ZBTB43: variants seen among roughly 807,000 people sequenced by gnomAD.
ZBTB43 encodes the protein zinc finger and BTB domain containing 43, also known as zinc finger and BTB domain-containing protein 43.
A neutral mutation model predicts 31.1 loss-of-function variants in ZBTB43; 6 were observed. The observed-to-expected ratio is 0.19, with a 90% CI of 0.11 to 0.38. The LOEUF (loss-of-function observed/expected upper bound fraction) is 0.38. Ranked by LOEUF, ZBTB43 falls within the 10% of genes least tolerant of loss-of-function variation. ZBTB43 has a pLI of 1.00. For synonymous variants in ZBTB43, 212 were observed against 221.7 expected, an observed-to-expected ratio of 0.96 and a Z score of 0.39; for missense variants, 379 against 602.1, an observed-to-expected ratio of 0.63 and a Z score of 3.88.
chr9:126,823,087 G>C (rs1439603235), intron 2 of ZBTB43, among the ~76,000 whole-genome samples: 2 of 152,134 alleles, frequency 1.3e-5, no homozygotes, highest in Non-Finnish European at 2.9e-5. Flanking sequence ...CAATATCTCT[G>C]AGGTATGCCT....
At chr9:126,804,863 AC>A (rs2032085330), upstream of ZBTB43, 1 of 152,434 alleles carries the variant, frequency 6.6e-6, no homozygotes. Context: ...CCTAAAATTG[AC>A]CCGCTCCAGA....
chr9:126,820,967 CAA>C (rs36023653), intron 2 of ZBTB43, among the ~76,000 whole-genome samples: 11 of 83,454 alleles, frequency 1.3e-4, no homozygotes, highest in African/African-American at 3.9e-4. Flanking sequence ...ACCCCCATCT[CAA>C]AAAAAAAAAA....
chr9:126,814,328 GTAAATTTTACATCTGTAAAAA>G (rs2032323616), intron 2 of ZBTB43, among the ~76,000 whole-genome samples: 8 of 5,070 alleles, frequency 1.6e-3, no homozygotes, highest in African/African-American at 3.3e-3. Flanking sequence ...TCTGTAAAAT[GTAAATTTTACATCTGTAAAAA>G]TTTTACAGAT....
At chr9:126,832,316 T>C (rs1366967199) in intron 2 of ZBTB43, 171 bp from the exon 3 acceptor site, 1 of 641,492 alleles carries the variant, frequency 1.6e-6, no homozygotes, top group East Asian at 2.8e-5. Flanking sequence ...GTCCTGCCTT[T>C]GGCAAACACG....
chr9:126,810,749 C>T (rs903106309), intron 2 of ZBTB43, among the ~76,000 whole-genome samples: 28 of 151,036 alleles, frequency 1.9e-4, no homozygotes, highest in African/African-American at 5.3e-4. Flanking sequence ...GTGATCCGCC[C>T]GCCTCGGCCT....
At chr9:126,812,544 G>T (rs1442350223) in intron 2 of ZBTB43, among the ~76,000 whole-genome samples, 1 of 152,152 alleles carries the variant, frequency 6.6e-6, no homozygotes, top group Non-Finnish European at 1.5e-5. Context: ...AATGTATGGA[G>T]GTTATAATAC....
At chr9:126,825,311 AT>A (rs112284574) in intron 2 of ZBTB43, among the ~76,000 whole-genome samples, 16,812 of 149,582 alleles carry the variant, frequency 0.11, 2,885 homozygotes, top group African/African-American at 0.37. Context: ...GAGTTTGTTG[AT>A]TTTTTTTTTC....
chr9:126,829,286 AG>A (rs1374939923), intron 2 of ZBTB43, among the ~76,000 whole-genome samples: 1 of 152,234 alleles, frequency 6.6e-6, no homozygotes, highest in African/African-American at 2.4e-5. Flanking sequence ...TTAACCCAGC[AG>A]TTCCACTGGT....
At chr9:126,822,488 G>C (rs1460086833) in intron 2 of ZBTB43, among the ~76,000 whole-genome samples, 2 of 152,104 alleles carry the variant, frequency 1.3e-5, no homozygotes, top group African/African-American at 2.4e-5. Context: ...CATGCTTATA[G>C]TTCCAGCACT....
At chr9:126,818,894 C>G (rs1030224677) in intron 2 of ZBTB43, among the ~76,000 whole-genome samples, 3 of 152,190 alleles carry the variant, frequency 2.0e-5, no homozygotes, top group African/African-American at 7.2e-5. Flanking sequence ...AGGAAGTGGT[C>G]CCTCCCCTTC....
intron 2 of ZBTB43, among the ~76,000 whole-genome samples, chr9:126,812,863 G>T (rs748330644): frequency 2.0e-5 from 3 of 152,046 alleles, no homozygotes; most frequent in Non-Finnish European, 4.4e-5. Flanking sequence ...TCTGTGGGTT[G>T]TGTGTTCACT....
At chr9:126,822,610 G>C (rs201984481) in intron 2 of ZBTB43, among the ~76,000 whole-genome samples, 1 of 152,030 alleles carries the variant, frequency 6.6e-6, no homozygotes, top group Non-Finnish European at 1.5e-5. Flanking sequence ...ACATGGTGAT[G>C]CATGCCTGTA....
intron 2 of ZBTB43, among the ~76,000 whole-genome samples, chr9:126,818,304 T>C (rs1190734511): frequency 1.3e-5 from 2 of 150,282 alleles, no homozygotes; most frequent in African/African-American, 4.9e-5. Context: ...AAAATATATA[T>C]ATATATATAT....
chr9:126,815,498 C>CTT (rs982546146), intron 2 of ZBTB43, among the ~76,000 whole-genome samples: 1 of 149,266 alleles, frequency 6.7e-6, no homozygotes, highest in Non-Finnish European at 1.5e-5. Flanking sequence ...TTTTATTTGC[C>CTT]TTTTTTTTTC....
At chr9:126,807,421 T>A (rs972207635) in intron 1 of ZBTB43, among the ~76,000 whole-genome samples, 5 of 152,188 alleles carry the variant, frequency 3.3e-5, no homozygotes, top group African/African-American at 1.2e-4. Flanking sequence ...AGTGTGTCCA[T>A]ATTTTTTCTA....
In ZBTB43 at chr9:126,833,418, T is replaced by C; in HGVS notation, c.909T>C (p.Asp303=). Residue 303 remains aspartate, a synonymous_variant, in exon 3 of 3, where the codon GAT becomes GAC. Coordinates refer to ENST00000373464, the MANE Select transcript of ZBTB43 (RefSeq NM_014007.4). The surrounding 1 kb of genome is among the most constrained non-coding windows in gnomAD (Gnocchi z 7.9). ...AGAAGAAAGTGGAAGCTGAGTTTGATGAACAGGCTGATGAAAGCAATTATG... is the reference window on the plus strand; with the variant it reads ...AGAAGAAAGTGGAAGCTGAGTTTGACGAACAGGCTGATGAAAGCAATTATG... ...IGEKKVEAEF[D]EQADESNYDE... is the part of the protein sequence containing the mutation. The C allele has an allele frequency of 1.9e-6, 3 of 1,614,108 alleles. No individual in the cohort carries two copies. Among genetic ancestry groups the C allele is most frequent in the South Asian group, 2.2e-5 (2 of 91,066 alleles).
At chr9:126,820,967 C>CA (rs36023653) in intron 2 of ZBTB43, among the ~76,000 whole-genome samples, 53,769 of 83,456 alleles carry the variant, frequency 0.64, 17,884 homozygotes, top group Non-Finnish European at 0.75. Flanking sequence ...ACCCCCATCT[C>CA]AAAAAAAAAA....
At chr9:126,809,683 T>C (rs145759468) in intron 2 of ZBTB43, among the ~76,000 whole-genome samples, 1 of 152,194 alleles carries the variant, frequency 6.6e-6, no homozygotes, top group Non-Finnish European at 1.5e-5. Flanking sequence ...TAGTTCAGGA[T>C]TTCTTCAGTA....
Position 126,833,293 on chromosome 9 carries a change from G to A in ZBTB43, c.784G>A (p.Ala262Thr). 6.8e-6 allele frequency: 11 copies of A among 1,613,284 alleles called. No individual in the cohort carries two copies. The highest frequency in any genetic ancestry group is 1.1e-5 in the South Asian group (1 of 90,936). Residue 262 changes from alanine to threonine, a missense_variant, in exon 3 of 3, where the codon GCG becomes ACG. Around this residue, in one of 5 missense-constraint regions of ZBTB43, gnomAD observed 253 missense variants for 322.3 expected, o/e 0.79. Transcript: ENST00000373464. This position sits in a 1 kb window ranked among gnomAD's most constrained non-coding sequence, Gnocchi z 7.9. ...EQACEGMDVHATYDEHQVTES... is the reference protein window; with the variant it reads ...EQACEGMDVHTTYDEHQVTES... Reference sequence around the variant, plus strand: ...GGCTTGCGAGGGCATGGATGTGCACGCGACCTACGACGAGCACCAGGTCAC... The same window carrying A: ...GGCTTGCGAGGGCATGGATGTGCACACGACCTACGACGAGCACCAGGTCAC...
Sources: gnomAD v4.1 joint callset for allele counts (sites outside exome capture counted in the v4.1 genomes callset) on GRCh38, gnomAD v4.1.1 for gene constraint, gnomAD v4.1.1 regional missense constraint, Gnocchi (gnomAD v3.1) non-coding constraint, MANE v1.5 for transcripts, NCBI Gene and HGNC (gene_info 2026-07-23, HGNC 2026-07-21) for gene names.